SMIM35: variants seen among roughly 807,000 people sequenced by gnomAD.
The protein encoded by SMIM35 is TMPRSS4 antisense RNA 1 (non-protein coding).
chr11:118,054,212 T>C (rs1355579540), intron 1 of SMIM35, among the ~76,000 whole-genome samples: 2 of 152,074 alleles, frequency 1.3e-5, no homozygotes, highest in African/African-American at 4.8e-5. Flanking sequence ...TGTTTGCTTG[T>C]TTGTTTTCAA....
intron 1 of SMIM35, among the ~76,000 whole-genome samples, chr11:118,072,277 G>A (rs998266705): frequency 2.0e-5 from 3 of 152,122 alleles, no homozygotes; most frequent in Non-Finnish European, 4.4e-5. Context: ...AGCACCTGAG[G>A]TCAGCAGTTC....
At chr11:118,085,517 A>G (rs886977055) in intron 1 of SMIM35, among the ~76,000 whole-genome samples, 1 of 152,122 alleles carries the variant, frequency 6.6e-6, no homozygotes, top group Non-Finnish European at 1.5e-5. Flanking sequence ...TTAAAGTTTA[A>G]AGGACAACTC....
chr11:118,065,619 C>T (rs1424699741), intron 1 of SMIM35, among the ~76,000 whole-genome samples: 1 of 152,160 alleles, frequency 6.6e-6, no homozygotes, highest in Non-Finnish European at 1.5e-5. Context: ...TGGTTGGTCT[C>T]TCTCCACAAC....
At chr11:118,035,013 A>G (rs1471040008) in intron 1 of SMIM35, among the ~76,000 whole-genome samples, 1 of 149,918 alleles carries the variant, frequency 6.7e-6, no homozygotes, top group African/African-American at 2.5e-5. Flanking sequence ...GTGCAGTGGC[A>G]CAATCTCAGC....
At chr11:118,016,952 T>C (rs73011710) in intron 1 of SMIM35, among the ~76,000 whole-genome samples, 14,557 of 152,206 alleles carry the variant, frequency 0.096, 967 homozygotes, top group East Asian at 0.37. Context: ...GCCCATGCTA[T>C]GCCTCTTGGT....
intron 4 of SMIM35, among the ~76,000 whole-genome samples, chr11:118,009,377 C>A (rs1451306518): frequency 1.3e-5 from 2 of 152,202 alleles, no homozygotes; most frequent in African/African-American, 4.8e-5. Context: ...CTTCACGGCA[C>A]TCTGGGCCTC....
rs535630132 is a variant in SMIM35, at chr11:118,013,509, A to G, written c.*33+239T>C. Among the ~76,000 whole-genome samples the G allele has an allele frequency of 1.7e-4, 26 of 152,336 alleles. No individual in the cohort carries two copies. In the East Asian group the frequency reaches 5.0e-3, roughly 29 times the overall value. On this transcript the variant is annotated intron_variant, in intron 4 of 4. Transcript: ENST00000689828. ...CCTTGAATGCAAACAGAACCTTCCC[A>G]GGAAGGAAAGGCCGGGCATGGATTG...
intron 1 of SMIM35, among the ~76,000 whole-genome samples, chr11:118,040,651 AC>A (rs1030223571): frequency 3.9e-4 from 59 of 150,786 alleles, no homozygotes; most frequent in African/African-American, 1.3e-3. Flanking sequence ...ACGTACACAC[AC>A]AAAAAAAAGG....
chr11:118,077,401 C>T, intron 1 of SMIM35: 1 of 1,397,634 alleles, frequency 7.2e-7, no homozygotes, highest in East Asian at 2.7e-5. Context: ...GCTGAGAATT[C>T]TGTGACACCT....
At chr11:118,073,230 G>A (rs895072809) in intron 1 of SMIM35, among the ~76,000 whole-genome samples, 20 of 152,194 alleles carry the variant, frequency 1.3e-4, no homozygotes, top group Admixed American at 9.8e-4. Context: ...GAGCCACTGC[G>A]CCCAGCCAGG....
intron 1 of SMIM35, among the ~76,000 whole-genome samples, chr11:118,038,977 G>C (rs1591291261): frequency 6.6e-6 from 1 of 152,106 alleles, no homozygotes; most frequent in East Asian, 1.9e-4. Flanking sequence ...GGGGCACAGA[G>C]AGAAAGGGGC....
At chr11:118,066,467 T>G (rs1368181482) in intron 1 of SMIM35, among the ~76,000 whole-genome samples, 2 of 152,192 alleles carry the variant, frequency 1.3e-5, no homozygotes, top group African/African-American at 2.4e-5. Flanking sequence ...CTGCTTAAAC[T>G]CCTACTGGCT....
chr11:118,041,814 G>A (rs1017580434), intron 1 of SMIM35, among the ~76,000 whole-genome samples: 3 of 152,130 alleles, frequency 2.0e-5, no homozygotes, highest in Non-Finnish European at 1.5e-5. Flanking sequence ...ACTTTGGGAG[G>A]CCGAAGTCGG....
chr11:118,045,915 A>ACCCCTTGT, intron 1 of SMIM35, among the ~76,000 whole-genome samples: 1 of 152,356 alleles, frequency 6.6e-6, no homozygotes, highest in Non-Finnish European at 1.5e-5. Context: ...TCTGGGCAAG[A>ACCCCTTGT]TTGAGTTTTA....
intron 1 of SMIM35, among the ~76,000 whole-genome samples, chr11:118,063,165 GCT>G (rs1340585308): frequency 6.6e-6 from 1 of 152,230 alleles, no homozygotes. Flanking sequence ...CCTCGGGGCT[GCT>G]CTGTCTATGG....
intron 1 of SMIM35, among the ~76,000 whole-genome samples, chr11:118,022,901 C>A (rs754744053): frequency 1.3e-4 from 19 of 151,582 alleles, no homozygotes; most frequent in Non-Finnish European, 2.4e-4. Flanking sequence ...AATAATTAGC[C>A]TTAGACTGTT....
At chr11:118,048,550 G>A (rs1237263095) in intron 1 of SMIM35, among the ~76,000 whole-genome samples, 2 of 27,230 alleles carry the variant, frequency 7.3e-5, no homozygotes, top group African/African-American at 2.2e-4. Context: ...AGGAAGGAAG[G>A]AAGGAAGGAA....
chr11:118,042,689 T>A (rs1393989435), intron 1 of SMIM35, among the ~76,000 whole-genome samples: 2 of 152,164 alleles, frequency 1.3e-5, no homozygotes, highest in Admixed American at 1.3e-4. Context: ...CTCTTATGAA[T>A]ATGGACGCAA....
chr11:118,056,291 C>T (rs1215008329), intron 1 of SMIM35, among the ~76,000 whole-genome samples: 1 of 152,044 alleles, frequency 6.6e-6, no homozygotes, highest in Non-Finnish European at 1.5e-5. Context: ...GGAGCCTGAC[C>T]CAGGGCAAGG....
Sources: gnomAD v4.1 joint callset for allele counts (sites outside exome capture counted in the v4.1 genomes callset) on GRCh38, gnomAD v4.1.1 for gene constraint, MANE v1.5 for transcripts, NCBI Gene and HGNC (gene_info 2026-07-23, HGNC 2026-07-21) for gene names.